SLC2A9: variants seen among roughly 807,000 people sequenced by gnomAD.
SLC2A9 encodes the protein solute carrier family 2 member 9.
Under a neutral mutation model 50.6 loss-of-function variants are expected in SLC2A9, and 39 were observed. The observed-to-expected ratio is 0.77, with a 90% CI of 0.60 to 1.01. The LOEUF is 1.01. SLC2A9 is among the 50% of genes least tolerant of loss of function. The pLI is 0.00. For missense variants in SLC2A9, 686 were observed against 677.6 expected, an observed-to-expected ratio of 1.01 and a Z score of -0.14; for synonymous variants, 324 against 276.9, an observed-to-expected ratio of 1.17 and a Z score of -1.69.
chr4:9,826,106 G>T (rs150828093), downstream of SLC2A9: 437 of 387,954 alleles, frequency 1.1e-3, 2 homozygotes, highest in Non-Finnish European at 1.3e-3. Context: ...CATGAAGAAG[G>T]CAGGTCATCT....
chr4:9,788,546 A>T (rs185369760), intron 3 of SLC2A9, among the ~76,000 whole-genome samples: 2 of 152,018 alleles, frequency 1.3e-5, no homozygotes, highest in East Asian at 3.9e-4. Flanking sequence ...CTGTTAATGG[A>T]TACTATTTTG....
chr4:9,831,515 T>C (rs934627771), intron 11 of SLC2A9, among the ~76,000 whole-genome samples: 22 of 152,126 alleles, frequency 1.4e-4, no homozygotes, highest in African/African-American at 5.1e-4. Context: ...AGCCATAACA[T>C]GGGAAGGGCA....
chr4:9,840,730 T>C (rs1387238410), intron 10 of SLC2A9, among the ~76,000 whole-genome samples: 2 of 152,184 alleles, frequency 1.3e-5, no homozygotes, highest in East Asian at 1.9e-4. Context: ...ATTCATTAAC[T>C]ATGATGTTTT....
chr4:10,027,702 A>C (rs1421606184), intron 1 of SLC2A9, among the ~76,000 whole-genome samples: 3 of 151,924 alleles, frequency 2.0e-5, no homozygotes, highest in Non-Finnish European at 4.4e-5. Flanking sequence ...TGGGGGTAGA[A>C]CTGCCTACCC....
At chr4:9,979,474 TG>T (rs1207424331) in intron 5 of SLC2A9, among the ~76,000 whole-genome samples, 2 of 152,182 alleles carry the variant, frequency 1.3e-5, no homozygotes, top group African/African-American at 4.8e-5. Context: ...CTGCCCTGCC[TG>T]TGTGAGTGGG....
intron 10 of SLC2A9, among the ~76,000 whole-genome samples, chr4:9,881,747 C>CAG (rs1735253521): frequency 6.6e-6 from 1 of 152,208 alleles, no homozygotes; most frequent in South Asian, 2.1e-4. Flanking sequence ...CAAGCCATGG[C>CAG]TGAAGGAATT....
downstream of SLC2A9, chr4:9,779,741 TC>T (rs1718081248): frequency 4.2e-4 from 2 of 4,784 alleles, no homozygotes; most frequent in Admixed American, 4.6e-3. Context: ...GAATAGCATC[TC>T]TCTCTCTCTC....
intron 11 of SLC2A9, among the ~76,000 whole-genome samples, chr4:9,832,660 A>G (rs1352157199): frequency 6.6e-6 from 1 of 152,250 alleles, no homozygotes; most frequent in East Asian, 1.9e-4. Flanking sequence ...AAGCAAGAAC[A>G]AAACAAAGAA....
chr4:9,777,870 T>C (rs1474461780), downstream of SLC2A9, among the ~76,000 whole-genome samples: 2 of 152,202 alleles, frequency 1.3e-5, no homozygotes, highest in African/African-American at 2.4e-5. Context: ...TAAGTCTTTC[T>C]GGAGAACTGA....
chr4:9,851,406 A>G (rs1044187757), intron 10 of SLC2A9, among the ~76,000 whole-genome samples: 2 of 152,212 alleles, frequency 1.3e-5, no homozygotes, highest in Non-Finnish European at 2.9e-5. Context: ...CAAAGAAGAT[A>G]AAAGCAAAAA....
At chr4:10,006,349 C>T (rs1489411802) in intron 2 of SLC2A9, 2 of 152,226 alleles carry the variant, frequency 1.3e-5, no homozygotes, top group Non-Finnish European at 2.9e-5. Context: ...GAACGATTCT[C>T]AGGAGTCCTG....
At chr4:10,032,252 G>A (rs1763961593) in intron 1 of SLC2A9, among the ~76,000 whole-genome samples, 1 of 152,184 alleles carries the variant, frequency 6.6e-6, no homozygotes, top group Non-Finnish European at 1.5e-5. Flanking sequence ...GATGTGATGG[G>A]AGGAGTGGGA....
rs114325356 is a variant in SLC2A9 at position 9,963,520 on chromosome 4, C to T, written c.681+17072G>A. On this transcript the variant is annotated intron_variant, in intron 5 of 11. Transcript: ENST00000264784. ...TTGGTCCCAGGGAAAGGTGGACACG[C>T]GGATGACCACCTGACCACTATGTAG... 4.0e-3 allele frequency among the ~76,000 whole-genome samples: 607 copies of T among 152,284 alleles called. 7 individuals are homozygous for T. Among genetic ancestry groups the T allele is most frequent in the African/African-American group, 0.014 (567 of 41,546 alleles).
At chr4:9,877,345 C>A (rs536485443) in intron 10 of SLC2A9, among the ~76,000 whole-genome samples, 68 of 152,340 alleles carry the variant, frequency 4.5e-4, no homozygotes, top group Non-Finnish European at 8.2e-4. Flanking sequence ...GCAGTGCAGG[C>A]TGGTGCACAG....
chr4:9,880,554 A>C (rs1253486240), intron 10 of SLC2A9: 1 of 985,312 alleles, frequency 1.0e-6, no homozygotes, highest in East Asian at 1.1e-4. Context: ...GGAAAAAAAA[A>C]ACAGAGAAGG....
chr4:9,847,365 TCA>T (rs1560186289), intron 10 of SLC2A9, among the ~76,000 whole-genome samples: 1 of 152,154 alleles, frequency 6.6e-6, no homozygotes, highest in Non-Finnish European at 1.5e-5. Context: ...GAGAACTCAC[TCA>T]CTATCATGAG....
intron 1 of SLC2A9, among the ~76,000 whole-genome samples, chr4:10,037,952 AAAATAAATAAATAAT>A (rs1210849812): frequency 1.3e-5 from 2 of 152,094 alleles, no homozygotes; most frequent in Non-Finnish European, 2.9e-5. Context: ...CTCTGTCTCA[AAAATAAATAAATAAT>A]AAATAAATAA....
chr4:9,910,010 G>T (rs1035687049), intron 7 of SLC2A9, among the ~76,000 whole-genome samples: 1 of 152,128 alleles, frequency 6.6e-6, no homozygotes, highest in African/African-American at 2.4e-5. Context: ...TCATGCATTG[G>T]GGGGAAGATA....
intron 3 of SLC2A9, among the ~76,000 whole-genome samples, chr4:9,789,622 C>A (rs1238297664): frequency 6.6e-6 from 1 of 152,200 alleles, no homozygotes; most frequent in Non-Finnish European, 1.5e-5. Flanking sequence ...GAATGTTGAG[C>A]CCATGTGGAA....
Sources: allele counts gnomAD v4.1 joint callset (sites outside exome capture counted in the v4.1 genomes callset), GRCh38; gene constraint gnomAD v4.1.1; transcripts MANE v1.5; gene names NCBI Gene and HGNC (gene_info 2026-07-23, HGNC 2026-07-21).